The following SPTLC3 variants were observed in gnomAD, a reference collection of about 807,000 sequenced individuals.
The protein encoded by SPTLC3 is serine palmitoyltransferase 3.
Under a neutral mutation model 59.3 loss-of-function variants are expected in SPTLC3, and 36 were observed. The observed-to-expected ratio is 0.61, with a 90% CI of 0.47 to 0.80. The LOEUF is 0.80. Among genes scored for constraint, SPTLC3 ranks in the 30% least tolerant of loss-of-function variants. The probability of loss-of-function intolerance (pLI) is 0.00; values close to 1 mark genes in which losing one functional copy is unlikely to be tolerated. For missense variants in SPTLC3, 625 were observed against 685.1 expected, an observed-to-expected ratio of 0.91 and a Z score of 0.98; for synonymous variants, 257 against 240.8, an observed-to-expected ratio of 1.07 and a Z score of -0.62.
chr20:13,133,267 C>A (rs1421845682), intron 9 of SPTLC3, among the ~76,000 whole-genome samples: 1 of 152,170 alleles, frequency 6.6e-6, no homozygotes, highest in Non-Finnish European at 1.5e-5. Context: ...GGACCCTCTA[C>A]CCCCAGAGAT....
At chr20:13,154,507 G>A (rs2122964282) in intron 10 of SPTLC3, among the ~76,000 whole-genome samples, 1 of 152,282 alleles carries the variant, frequency 6.6e-6, no homozygotes, top group African/African-American at 2.4e-5. Flanking sequence ...TAAAAACAAT[G>A]TGATCAGGCT....
intron 1 of SPTLC3, among the ~76,000 whole-genome samples, chr20:13,047,680 A>T (rs1987290709): frequency 6.6e-6 from 1 of 152,166 alleles, no homozygotes; most frequent in African/African-American, 2.4e-5. Flanking sequence ...CAAATCAATT[A>T]AACAGTCATC....
At chr20:13,045,014 C>G (rs2122486386) in intron 1 of SPTLC3, among the ~76,000 whole-genome samples, 1 of 151,696 alleles carries the variant, frequency 6.6e-6, no homozygotes, top group South Asian at 2.1e-4. Context: ...CACACACACA[C>G]ACACACACAC....
intron 2 of SPTLC3, among the ~76,000 whole-genome samples, chr20:13,053,455 A>T (rs554025933): frequency 1.3e-5 from 2 of 152,160 alleles, no homozygotes; most frequent in Non-Finnish European, 2.9e-5. Flanking sequence ...AGCACAAAAA[A>T]AGGCTGAAAA....
chr20:13,012,041 T>C (rs2122352926), intron 1 of SPTLC3, among the ~76,000 whole-genome samples: 1 of 152,326 alleles, frequency 6.6e-6, no homozygotes, highest in East Asian at 1.9e-4. Flanking sequence ...ACTTTGCAAC[T>C]ATTATCCACA....
At chr20:13,025,530 G>C (rs1242416424) in intron 1 of SPTLC3, among the ~76,000 whole-genome samples, 1 of 152,108 alleles carries the variant, frequency 6.6e-6, no homozygotes. Context: ...CTATTGGATG[G>C]TGGTGAGAAA....
At chr20:13,040,247 A>G (rs983865122) in intron 1 of SPTLC3, among the ~76,000 whole-genome samples, 5 of 152,106 alleles carry the variant, frequency 3.3e-5, no homozygotes, top group Non-Finnish European at 5.9e-5. Context: ...TTGTGCTGTT[A>G]TTGCATAATA....
At chr20:13,059,460 C>T (rs1987863509) in intron 2 of SPTLC3, among the ~76,000 whole-genome samples, 1 of 152,164 alleles carries the variant, frequency 6.6e-6, no homozygotes, top group South Asian at 2.1e-4. Flanking sequence ...ATTCGGCTAC[C>T]ACCTGCATTC....
At chr20:13,018,886 TC>T (rs1191403730) in intron 1 of SPTLC3, among the ~76,000 whole-genome samples, 1 of 152,216 alleles carries the variant, frequency 6.6e-6, no homozygotes, top group African/African-American at 2.4e-5. Flanking sequence ...GACAGAAAGA[TC>T]TATTGCCACC....
At chr20:13,124,282 T>C (rs2037935185) in intron 8 of SPTLC3, among the ~76,000 whole-genome samples, 1 of 150,570 alleles carries the variant, frequency 6.6e-6, no homozygotes, top group East Asian at 2.0e-4. Context: ...AGGTTATTGG[T>C]ATATACTTGC....
chr20:13,111,551 C>T (rs1486126511), intron 7 of SPTLC3, among the ~76,000 whole-genome samples: 2 of 152,206 alleles, frequency 1.3e-5, no homozygotes, highest in African/African-American at 4.8e-5. Flanking sequence ...TAACTGACAA[C>T]TCGTAGGCCT....
At chr20:13,087,611 T>C (rs544287956) in intron 4 of SPTLC3, among the ~76,000 whole-genome samples, 2 of 152,316 alleles carry the variant, frequency 1.3e-5, no homozygotes, top group African/African-American at 2.4e-5. Flanking sequence ...GTACCTACTA[T>C]GTGTCGGCAC....
chr20:13,078,952 ATACAG>A (rs1383529186), intron 4 of SPTLC3, among the ~76,000 whole-genome samples: 11 of 152,204 alleles, frequency 7.2e-5, no homozygotes, highest in Non-Finnish European at 1.2e-4. Context: ...TTTTTAATTC[ATACAG>A]TAAAGTTAAT....
intron 1 of SPTLC3, among the ~76,000 whole-genome samples, chr20:13,017,564 T>C (rs1022864281): frequency 2.6e-5 from 4 of 152,226 alleles, no homozygotes; most frequent in African/African-American, 9.6e-5. Flanking sequence ...CCAGGACATC[T>C]TTGGATGCAG....
chr20:13,103,212 TG>T (rs1989681056), intron 6 of SPTLC3, among the ~76,000 whole-genome samples: 1 of 152,120 alleles, frequency 6.6e-6, no homozygotes. Flanking sequence ...AAAAAATAAT[TG>T]TTTTGCTTGA....
intron 7 of SPTLC3, among the ~76,000 whole-genome samples, chr20:13,115,933 C>T (rs1326764865): frequency 6.6e-6 from 1 of 152,166 alleles, no homozygotes; most frequent in South Asian, 2.1e-4. Flanking sequence ...GCTTAGGCAG[C>T]CAGATGGCCA....
chr20:13,156,079 C>G (rs2038761983), intron 10 of SPTLC3, among the ~76,000 whole-genome samples: 2 of 152,162 alleles, frequency 1.3e-5, no homozygotes, highest in African/African-American at 2.4e-5. Context: ...CACACACACA[C>G]AGACACACAT....
chr20:13,083,111 G>C (rs889830076), intron 4 of SPTLC3, among the ~76,000 whole-genome samples: 2 of 152,168 alleles, frequency 1.3e-5, no homozygotes, highest in African/African-American at 2.4e-5. Flanking sequence ...TCTTCTCATA[G>C]ACAGGACATA....
chr20:13,072,469 C>T (rs1393505976), intron 3 of SPTLC3, 59 bp downstream of exon 3: 2 of 1,459,178 alleles, frequency 1.4e-6, no homozygotes, highest in Non-Finnish European at 1.8e-6. Flanking sequence ...GAAATCCTAG[C>T]ATGGCCACTA....
Sources: gnomAD v4.1 joint callset for allele counts (sites outside exome capture counted in the v4.1 genomes callset) on GRCh38, gnomAD v4.1.1 for gene constraint, MANE v1.5 for transcripts, NCBI Gene and HGNC (gene_info 2026-07-23, HGNC 2026-07-21) for gene names.